Variants in RNF144A observed in about 807,000 individuals in gnomAD.
RNF144A encodes the protein E3 ubiquitin-protein ligase RNF144A.
RNF144A carries 11 observed loss-of-function variants against 38.7 expected under a neutral mutation model. That is an observed-to-expected ratio of 0.28 (90% CI 0.18 to 0.47). The LOEUF (loss-of-function observed/expected upper bound fraction) is 0.47, where lower values mean the gene tolerates loss of function less well. Among genes scored for constraint, RNF144A ranks in the 20% least tolerant of loss-of-function variants. The pLI, the probability that RNF144A is intolerant of heterozygous loss-of-function variation, is 0.99. For synonymous variants in RNF144A, 149 were observed against 143.9 expected (o/e 1.04, Z -0.25); for missense variants, 316 against 377.2 (o/e 0.84, Z 1.34).
intron 8 of RNF144A, among the ~76,000 whole-genome samples, chr2:7,035,351 G>A (rs192019427): frequency 5.3e-5 from 8 of 152,300 alleles, no homozygotes; most frequent in Non-Finnish European, 1.0e-4. Flanking sequence ...GTAGTACCTT[G>A]TAACCCATAA....
chr2:6,996,613 G>C lies in RNF144A; in HGVS notation c.-11-303G>C, dbSNP rs549473859. 2.0e-5 allele frequency: 5 copies of C among 248,898 alleles called. No homozygotes were observed. The East Asian group carries it at 3.9e-4, about 19-fold the overall frequency. 15.4% of individuals were successfully genotyped at this position (248,898 alleles called of 1,614,324 possible). Reference sequence around the variant, plus strand: ...ACTAAAAATACAAAAAATTAGCCTGGCATGGTGGCACTTGCCTATAGTCCT... The same window carrying C: ...ACTAAAAATACAAAAAATTAGCCTGCCATGGTGGCACTTGCCTATAGTCCT... On this transcript the variant is annotated intron_variant, in intron 2 of 8. Coordinates refer to ENST00000320892, the MANE Select transcript of RNF144A (RefSeq NM_014746.6).
intron 2 of RNF144A, among the ~76,000 whole-genome samples, chr2:6,988,123 T>G (rs1343236895): frequency 1.3e-5 from 2 of 152,222 alleles, no homozygotes; most frequent in Admixed American, 1.3e-4. Context: ...AGTTTAGATT[T>G]AGATTTACAG....
chr2:6,933,630 A>T (rs570173752), intron 1 of RNF144A, among the ~76,000 whole-genome samples: 14 of 152,122 alleles, frequency 9.2e-5, no homozygotes, highest in African/African-American at 3.1e-4. Flanking sequence ...AGGAAAAAAA[A>T]TGGAGAATAA....
chr2:6,967,588 C>T (rs1667750121), intron 2 of RNF144A, among the ~76,000 whole-genome samples: 1 of 152,212 alleles, frequency 6.6e-6, no homozygotes, highest in South Asian at 2.1e-4. Flanking sequence ...GTAACTGAGG[C>T]AGGGGTGTGA....
chr2:7,068,379 TA>T, downstream of RNF144A: 1 of 581,626 alleles, frequency 1.7e-6, no homozygotes. Flanking sequence ...TGGTAGGATC[TA>T]ATGATTGGCT....
intron 2 of RNF144A, among the ~76,000 whole-genome samples, chr2:6,975,365 G>T (rs1368580831): frequency 6.6e-6 from 1 of 152,192 alleles, no homozygotes; most frequent in Non-Finnish European, 1.5e-5. Context: ...GGAGCTACAA[G>T]ATGAGATTTG....
Position 7,039,951 on chromosome 2 carries a change from G to A in RNF144A, c.*191G>A. 1 of 1,405,278 alleles carries A rather than the reference G, an allele frequency of 7.1e-7. No homozygotes were observed. The allele number at this position is 1,405,278 out of a possible 1,614,324, so 87.1% of individuals were successfully genotyped here. On this transcript the variant is annotated 3_prime_UTR_variant, in exon 9 of 9. Transcript: ENST00000320892. ...TTCGCTGAGGCCCCAGGTGTGGTGGGGAGGGGAGGCAGGTGTGGGTAGCGC... is the reference window on the plus strand; with the variant it reads ...TTCGCTGAGGCCCCAGGTGTGGTGGAGAGGGGAGGCAGGTGTGGGTAGCGC...
chr2:6,977,357 C>G (rs1046739334), intron 2 of RNF144A, among the ~76,000 whole-genome samples: 13 of 152,228 alleles, frequency 8.5e-5, no homozygotes, highest in African/African-American at 3.1e-4. Context: ...GAGTTAATGA[C>G]ACGAAAGCAC....
At chr2:6,929,571 A>G (rs1665081284) in intron 1 of RNF144A, among the ~76,000 whole-genome samples, 1 of 152,236 alleles carries the variant, frequency 6.6e-6, no homozygotes, top group Admixed American at 6.5e-5. Flanking sequence ...CTGAAACAGC[A>G]CAATGTGGTG....
At chr2:7,001,618 A>G (rs1282574189) in intron 3 of RNF144A, among the ~76,000 whole-genome samples, 2 of 152,208 alleles carry the variant, frequency 1.3e-5, no homozygotes, top group African/African-American at 2.4e-5. Flanking sequence ...TCGAGGCCGC[A>G]GTGAGCCATG....
chr2:7,045,425 T>TGCCC (rs1673267433), downstream of RNF144A, among the ~76,000 whole-genome samples: 1 of 152,162 alleles, frequency 6.6e-6, no homozygotes, highest in African/African-American at 2.4e-5. Context: ...GTAAGGAGGA[T>TGCCC]GCCCGTGTTG....
At chr2:7,026,599 G>A (rs1433615843) in intron 7 of RNF144A, among the ~76,000 whole-genome samples, 1 of 151,344 alleles carries the variant, frequency 6.6e-6, no homozygotes. Flanking sequence ...AAAGAAGGAA[G>A]AAAGTGAAAA....
intron 6 of RNF144A, among the ~76,000 whole-genome samples, chr2:7,050,727 A>G (rs1673488345): frequency 6.6e-6 from 1 of 152,232 alleles, no homozygotes; most frequent in Admixed American, 6.5e-5. Flanking sequence ...ATGGAGAGCA[A>G]CAGTCTTTTG....
chr2:7,037,259 C>T (rs990568473), intron 8 of RNF144A, among the ~76,000 whole-genome samples: 9 of 152,184 alleles, frequency 5.9e-5, no homozygotes, highest in African/African-American at 2.2e-4. Flanking sequence ...CCCGGCTTCT[C>T]AAACAGCAGG....
intron 2 of RNF144A, among the ~76,000 whole-genome samples, chr2:6,964,020 G>A (rs1214543648): frequency 6.6e-6 from 1 of 152,056 alleles, no homozygotes; most frequent in East Asian, 1.9e-4. Context: ...TCAGGAAAGA[G>A]GCATGAGGTT....
At chr2:7,006,809 G>A (rs1240809493) in intron 3 of RNF144A, among the ~76,000 whole-genome samples, 4 of 152,062 alleles carry the variant, frequency 2.6e-5, no homozygotes, top group Non-Finnish European at 4.4e-5. Context: ...CTCTGACATT[G>A]AGGAGGTAGG....
intron 1 of RNF144A, among the ~76,000 whole-genome samples, chr2:6,929,163 G>C (rs1665061069): frequency 6.6e-6 from 1 of 152,182 alleles, no homozygotes. Flanking sequence ...TTATTGACTT[G>C]ATTGAAACGC....
At chr2:7,007,767 G>A (rs563884462) in intron 3 of RNF144A, among the ~76,000 whole-genome samples, 7 of 152,322 alleles carry the variant, frequency 4.6e-5, no homozygotes, top group East Asian at 3.9e-4. Context: ...TGATGAAGCC[G>A]TGGCTGGGTG....
chr2:6,922,440 G>T (rs1307559364), intron 1 of RNF144A, among the ~76,000 whole-genome samples: 10 of 152,136 alleles, frequency 6.6e-5, no homozygotes, highest in African/African-American at 2.4e-4. Context: ...ACAACATTGT[G>T]TTCCTGGGAA....
Sources: allele counts gnomAD v4.1 joint callset (sites outside exome capture counted in the v4.1 genomes callset), GRCh38; gene constraint gnomAD v4.1.1; transcripts MANE v1.5; gene names NCBI Gene and HGNC (gene_info 2026-07-23, HGNC 2026-07-21).